Variants in EHD1 observed in about 807,000 individuals in gnomAD.
The protein encoded by EHD1 is EH domain-containing protein 1.
EHD1 carries 19 observed loss-of-function variants against 39.0 expected under a neutral mutation model. The ratio of observed to expected loss-of-function variants is 0.49; its 90% confidence interval spans 0.34 to 0.72. The LOEUF (loss-of-function observed/expected upper bound fraction) is 0.72. Among genes scored for constraint, EHD1 ranks in the 30% least tolerant of loss-of-function variants. The pLI is 0.01. For missense variants in EHD1, 542 were observed against 751.5 expected (o/e 0.72, Z 3.26); for synonymous variants, 323 against 331.2 (o/e 0.98, Z 0.27).
chr11:64,875,086 C>G (rs572537473), intron 1 of EHD1, among the ~76,000 whole-genome samples: 1 of 152,214 alleles, frequency 6.6e-6, no homozygotes, highest in Non-Finnish European at 1.5e-5. Context: ...TCTGAAAGTC[C>G]GAGCAGGCTG....
chr11:64,864,779 G>A (rs985984426), intron 2 of EHD1, among the ~76,000 whole-genome samples: 1 of 152,228 alleles, frequency 6.6e-6, no homozygotes. Context: ...GAATGAGGGC[G>A]CCCTGATGGG....
intron 2 of EHD1, among the ~76,000 whole-genome samples, chr11:64,871,170 G>A (rs1209003622): frequency 1.3e-5 from 2 of 152,354 alleles, no homozygotes; most frequent in East Asian, 1.9e-4. Flanking sequence ...GCCTCCACAA[G>A]GACATGTTTC....
chr11:64,854,002 C>G lies in EHD1; in HGVS notation c.*331G>C. 2.5e-6 allele frequency: 1 copy of G among 399,648 alleles called. No individual in the cohort carries two copies. The highest frequency in any genetic ancestry group is 4.6e-6 in the Non-Finnish European group (1 of 216,620). The allele number at this position is 399,648 out of a possible 1,614,324, so 24.8% of individuals were successfully genotyped here. A position where few individuals can be genotyped will look rare whatever the true frequency, so the allele number is the denominator to read the frequency against. On this transcript the variant is annotated 3_prime_UTR_variant, in exon 5 of 5. Transcript: ENST00000320631. ...GGCTCCCCCACGGTCGCAGTCGCTG[C>G]ACTGTCCAGCTCCAGCCACAGCAAA...
At chr11:64,869,496 C>T (rs1246647808) in intron 2 of EHD1, among the ~76,000 whole-genome samples, 2 of 152,262 alleles carry the variant, frequency 1.3e-5, no homozygotes, top group African/African-American at 4.8e-5. Flanking sequence ...GCTTTTCAAT[C>T]TCTTGACTAT....
In EHD1 at chr11:64,854,527, T is replaced by A. The variant is rs1338109178; in HGVS notation, c.1411A>T (p.Met471Leu). 1 of 1,614,004 alleles carries A rather than the reference T, an allele frequency of 6.2e-7. No individual in the cohort carries two copies. The highest frequency in any genetic ancestry group is 8.5e-7 in the Non-Finnish European group (1 of 1,179,990). Reference protein sequence around the residue: ...KITGANAKKEMVKSKLPNTVL... With the variant: ...KITGANAKKELVKSKLPNTVL... ...GTGTTGGGGAGCTTGGACTTCACCA[T>A]CTCCTTCTTGGCGTTGGCGCCCGTG... Residue 471 changes from methionine (M) to leucine (L), a missense_variant, in exon 5 of 5, where the codon ATG becomes TTG. Coordinates refer to ENST00000320631, the MANE Select transcript of EHD1 (RefSeq NM_006795.4).
chr11:64,855,870 C>T (rs1320591538), intron 3 of EHD1: 1 of 216,370 alleles, frequency 4.6e-6, no homozygotes, highest in Non-Finnish European at 9.2e-6. Flanking sequence ...ACCCTCACCA[C>T]GCATCACACA....
At position 64,855,394 on chromosome 11, in the gene EHD1, T is replaced by C. The variant is rs1170790078; in HGVS notation, c.1008A>G (p.Gly336=). The C allele has an allele frequency of 1.2e-6, 2 of 1,614,086 alleles. No homozygotes were observed. The highest frequency in any genetic ancestry group is 2.2e-5 in the South Asian group (2 of 91,080). ...CGCGCTCAATCTTCTGGTAGATCTCTCCGAGGTTGTTCACCAGCTCTTTCT... is the reference window on the plus strand; with the variant it reads ...CGCGCTCAATCTTCTGGTAGATCTCCCCGAGGTTGTTCACCAGCTCTTTCT... ...SKKKELVNNL[G]EIYQKIEREH... The change falls in exon 4 of 5, where the codon GGA becomes GGG. Residue 336 remains glycine (G), a synonymous_variant. Coordinates refer to ENST00000320631, the MANE Select transcript of EHD1 (RefSeq NM_006795.4).
At chr11:64,857,187 G>C (rs1232954431) in intron 3 of EHD1, among the ~76,000 whole-genome samples, 6 of 152,234 alleles carry the variant, frequency 3.9e-5, no homozygotes, top group Admixed American at 6.5e-5. Flanking sequence ...CATTTTGGGA[G>C]GCCGAGGCAG....
At chr11:64,856,228 C>G (rs1204427926) in intron 3 of EHD1, 4 of 153,926 alleles carry the variant, frequency 2.6e-5, no homozygotes, top group African/African-American at 9.7e-5. Flanking sequence ...CGAGCTGCCC[C>G]CTCCCACGCA....
Position 64,878,199 on chromosome 11 carries a change from C to T in EHD1, c.266G>A (p.Gly89Glu), listed in dbSNP as rs770189746. 2.6e-5 allele frequency: 42 copies of T among 1,612,004 alleles called. No homozygotes were observed. The Admixed American group carries it at 6.3e-4, about 24-fold the overall frequency. Reference sequence around the variant, plus strand: ...GAAGGAGTCGGTGGTGGGCTCGGGCCCGATGCGCATCCCCGGGAAGTCCTG... The same window carrying T: ...GAAGGAGTCGGTGGTGGGCTCGGGCTCGATGCGCATCCCCGGGAAGTCCTG... ...IEQDFPGMRI[G>E]PEPTTDSFIA... is the part of the protein sequence containing the mutation. The change falls in exon 1 of 5, where the codon GGG becomes GAG. Residue 89 changes from glycine to glutamate, a missense_variant. Transcript: ENST00000320631.
chr11:64,876,041 AGGGG>A (rs2136503351), intron 1 of EHD1, among the ~76,000 whole-genome samples: 1 of 152,342 alleles, frequency 6.6e-6, no homozygotes, highest in Admixed American at 6.5e-5. Flanking sequence ...AAAACAAGAA[AGGGG>A]AAGCAGCAAA....
chr11:64,868,106 C>T lies in EHD1; in HGVS notation c.502+6315G>A, dbSNP rs879306098. Among the ~76,000 whole-genome samples the T allele has an allele frequency of 2.6e-5, 4 of 152,232 alleles. No individual in the cohort carries two copies. The highest frequency in any genetic ancestry group is 4.4e-5 in the Non-Finnish European group (3 of 68,042). The stretch of plus-strand genomic sequence containing the variant: ...CCTCCAAAACACAGGTAGTTCCAGC[C>T]GCAGGGGGAAAAGCTGCTTTATACA... On this transcript the variant is annotated intron_variant, in intron 2 of 4. Transcript: ENST00000320631. The surrounding 1 kb of genome is among the most constrained non-coding windows in gnomAD (Gnocchi z 4.2).
intron 2 of EHD1, among the ~76,000 whole-genome samples, chr11:64,871,120 T>C (rs1943824916): frequency 6.6e-6 from 1 of 151,806 alleles, no homozygotes; most frequent in Admixed American, 6.6e-5. Flanking sequence ...GGGTGGGAAA[T>C]GGAAGTAAAT....
Position 64,852,384 on chromosome 11 carries a change from G to GA in EHD1, c.*1948dup, listed in dbSNP as rs1462660104. 1 of 1,556 alleles carries GA rather than the reference G, an allele frequency of 6.4e-4. No homozygotes were observed. Among genetic ancestry groups the GA allele is most frequent in the African/African-American group, 7.5e-4 (1 of 1,326 alleles). The allele number at this position is 1,556 out of a possible 1,614,324, so 0.1% of individuals were successfully genotyped here. ...TGTTTACTTGATGCCACCCAGTGCC[G>GA]AGGGCCTGCAGGTGCCCACTCATCC... On this transcript the variant is annotated 3_prime_UTR_variant, in exon 5 of 5. Transcript: ENST00000320631.
intron 2 of EHD1, among the ~76,000 whole-genome samples, chr11:64,861,083 G>A (rs1164696620): frequency 6.6e-6 from 1 of 151,566 alleles, no homozygotes; most frequent in Non-Finnish European, 1.5e-5. Context: ...CTACTCAGGA[G>A]GCTGATGCAG....
intron 2 of EHD1, among the ~76,000 whole-genome samples, chr11:64,861,264 C>T (rs919448880): frequency 3.9e-5 from 6 of 152,140 alleles, no homozygotes; most frequent in African/African-American, 9.7e-5. Flanking sequence ...CCTATTCCTG[C>T]CCCCACCATA....
chr11:64,878,649 T>TATAGG (rs1943918164), upstream of EHD1: 1 of 1,394,290 alleles, frequency 7.2e-7, no homozygotes, highest in Admixed American at 3.3e-5. Context: ...GAGCGGCCTT[T>TATAGG]ATAGGGTCGG....
Position 64,854,141 on chromosome 11 carries a change from C to G in EHD1, c.*192G>C, listed in dbSNP as rs1775903126. 1 of 947,946 alleles carries G rather than the reference C, an allele frequency of 1.1e-6. No individual in the cohort carries two copies. The highest frequency in any genetic ancestry group is 1.7e-5 in the African/African-American group (1 of 60,266). The allele number at this position is 947,946 out of a possible 1,614,324, so 58.7% of individuals were successfully genotyped here. A position where few individuals can be genotyped will look rare whatever the true frequency, so the allele number is the denominator to read the frequency against. Reference sequence around the variant, plus strand: ...AGCCACAGTTCTTGTGCACACAATTCCATCCTCTCACCCCTGCCTCCCCCG... The same window carrying G: ...AGCCACAGTTCTTGTGCACACAATTGCATCCTCTCACCCCTGCCTCCCCCG... On this transcript the variant is annotated 3_prime_UTR_variant, in exon 5 of 5. Transcript: ENST00000320631.
chr11:64,869,149 G>A (rs1481110373), intron 2 of EHD1, among the ~76,000 whole-genome samples: 3 of 152,244 alleles, frequency 2.0e-5, no homozygotes, highest in East Asian at 1.9e-4. Flanking sequence ...AAATATAAAC[G>A]GAATGTTTGC....
Sources: gnomAD v4.1 joint callset for allele counts (sites outside exome capture counted in the v4.1 genomes callset) on GRCh38, gnomAD v4.1.1 for gene constraint, Gnocchi (gnomAD v3.1) non-coding constraint, MANE v1.5 for transcripts, NCBI Gene and HGNC (gene_info 2026-07-23, HGNC 2026-07-21) for gene names.